The following CSGALNACT1 variants were observed in gnomAD, a reference collection of about 807,000 sequenced individuals.
CSGALNACT1 encodes chondroitin sulfate N-acetylgalactosaminyltransferase 1, also known as beta4GalNAcT-1.
CSGALNACT1 carries 52 observed loss-of-function variants against 51.0 expected under a neutral mutation model. The observed-to-expected ratio is 1.02, with a 90% CI of 0.82 to 1.29. CSGALNACT1 has a LOEUF of 1.29. Among genes scored for constraint, CSGALNACT1 ranks in the 50% most tolerant of loss-of-function variants. The probability of loss-of-function intolerance (pLI) is 0.00; values close to 1 mark genes in which losing one functional copy is unlikely to be tolerated. For synonymous variants in CSGALNACT1, 341 were observed against 254.4 expected (o/e 1.34, Z -3.24); for missense variants, 935 against 679.2 (o/e 1.38, Z -4.19).
intron 3 of CSGALNACT1, among the ~76,000 whole-genome samples, chr8:19,540,218 G>T (rs1020329107): frequency 5.3e-5 from 8 of 152,082 alleles, no homozygotes; most frequent in African/African-American, 1.7e-4. Context: ...CTAAATACGT[G>T]ACCAGAACAT....
chr8:19,496,456 G>A (rs961809768), intron 4 of CSGALNACT1, among the ~76,000 whole-genome samples: 13 of 152,178 alleles, frequency 8.5e-5, no homozygotes, highest in Admixed American at 5.9e-4. Flanking sequence ...GTGGGAAGAC[G>A]TTATTCATTT....
intron 1 of CSGALNACT1, among the ~76,000 whole-genome samples, chr8:19,714,223 T>A (rs1239496284): frequency 6.6e-6 from 1 of 152,236 alleles, no homozygotes; most frequent in East Asian, 1.9e-4. Context: ...TCCAGCCCTC[T>A]AATTTTTCTC....
chr8:19,531,154 G>A (rs62493890), intron 3 of CSGALNACT1, among the ~76,000 whole-genome samples: 55,138 of 152,038 alleles, frequency 0.36, 10,220 homozygotes, highest in African/African-American at 0.42. Flanking sequence ...TTCAGAGATA[G>A]AGCTATTTTC....
chr8:19,506,202 A>G (rs1456411507), intron 3 of CSGALNACT1, 72 bp from the exon 3 acceptor site: 7 of 456,806 alleles, frequency 1.5e-5, no homozygotes, highest in Admixed American at 1.3e-4. Context: ...ACGGCAATCA[A>G]TATCCAATAG....
At chr8:19,462,082 T>A (rs534431273) in intron 4 of CSGALNACT1, among the ~76,000 whole-genome samples, 106 of 152,324 alleles carry the variant, frequency 7.0e-4, no homozygotes, top group African/African-American at 2.5e-3. Context: ...ACAGATGGTA[T>A]CTGCACAGCA....
At chr8:19,623,015 A>G (rs989112906) in intron 1 of CSGALNACT1, among the ~76,000 whole-genome samples, 5 of 152,234 alleles carry the variant, frequency 3.3e-5, no homozygotes, top group African/African-American at 1.2e-4. Flanking sequence ...ATACGTAGGT[A>G]ACAAACCTGC....
At chr8:19,566,089 A>C (rs113656719) in intron 3 of CSGALNACT1, among the ~76,000 whole-genome samples, 1 of 152,236 alleles carries the variant, frequency 6.6e-6, no homozygotes, top group East Asian at 1.9e-4. Flanking sequence ...TTTGTCTTCT[A>C]TGGCAAAAAG....
chr8:19,460,649 C>T (rs182591233), intron 4 of CSGALNACT1, among the ~76,000 whole-genome samples: 4 of 152,310 alleles, frequency 2.6e-5, no homozygotes, highest in South Asian at 2.1e-4. Context: ...TACAGTGACA[C>T]GGCAATGGAA....
chr8:19,455,310 G>C (rs529550612), intron 5 of CSGALNACT1, among the ~76,000 whole-genome samples: 1 of 151,912 alleles, frequency 6.6e-6, no homozygotes, highest in Admixed American at 6.6e-5. Context: ...AGAAAACAGA[G>C]GCAAAAAAGG....
chr8:19,407,681 C>T (rs1002319041), intron 9 of CSGALNACT1, among the ~76,000 whole-genome samples: 4 of 152,106 alleles, frequency 2.6e-5, no homozygotes. Flanking sequence ...TCCCAAGGGC[C>T]TTTTCTCTCT....
chr8:19,649,819 C>CAAAAAAAAAAAAA (rs57549612), intron 1 of CSGALNACT1, among the ~76,000 whole-genome samples: 942 of 29,410 alleles, frequency 0.032, 291 homozygotes, highest in Non-Finnish European at 0.041. Context: ...TTCCAAGTAG[C>CAAAAAAAAAAAAA]AAAAAAAAAA....
intron 4 of CSGALNACT1, among the ~76,000 whole-genome samples, chr8:19,483,744 G>A (rs1487800633): frequency 6.6e-6 from 1 of 152,186 alleles, no homozygotes; most frequent in Non-Finnish European, 1.5e-5. Context: ...GGCCAGCTGG[G>A]AAACTCTCAT....
chr8:19,673,111 C>T (rs977537171), intron 1 of CSGALNACT1, among the ~76,000 whole-genome samples: 2 of 152,206 alleles, frequency 1.3e-5, no homozygotes, highest in Non-Finnish European at 2.9e-5. Context: ...CACACACCAG[C>T]AGTGAGAACA....
chr8:19,659,134 G>C (rs1320732484), intron 1 of CSGALNACT1, among the ~76,000 whole-genome samples: 1 of 151,842 alleles, frequency 6.6e-6, no homozygotes, highest in Non-Finnish European at 1.5e-5. Flanking sequence ...ACATTTTAAA[G>C]TTTGATGTAC....
intron 3 of CSGALNACT1, among the ~76,000 whole-genome samples, chr8:19,542,731 A>C (rs559801795): frequency 7.4e-4 from 113 of 152,290 alleles, no homozygotes; most frequent in African/African-American, 2.7e-3. Context: ...CATCTATCCA[A>C]AACCCCATCA....
chr8:19,579,349 C>A (rs1001799882), intron 3 of CSGALNACT1, among the ~76,000 whole-genome samples: 2 of 152,194 alleles, frequency 1.3e-5, no homozygotes, highest in Non-Finnish European at 2.9e-5. Context: ...ACAGGGTCTG[C>A]AGCACATGTG....
intron 3 of CSGALNACT1, among the ~76,000 whole-genome samples, chr8:19,546,681 A>C (rs1386998170): frequency 6.6e-6 from 1 of 152,212 alleles, no homozygotes; most frequent in Non-Finnish European, 1.5e-5. Flanking sequence ...GAATATCTGA[A>C]ATGTACAATA....
intron 1 of CSGALNACT1, among the ~76,000 whole-genome samples, chr8:19,614,955 C>T (rs2052792259): frequency 6.6e-6 from 1 of 152,160 alleles, no homozygotes; most frequent in Non-Finnish European, 1.5e-5. Context: ...AGTGATATTT[C>T]AATTTTAAAC....
At chr8:19,666,666 C>A (rs982597959) in intron 1 of CSGALNACT1, among the ~76,000 whole-genome samples, 2 of 149,908 alleles carry the variant, frequency 1.3e-5, no homozygotes, top group South Asian at 4.2e-4. Context: ...CTACTGCACT[C>A]CAGCCTAATT....
Sources: gnomAD v4.1 joint callset for allele counts (sites outside exome capture counted in the v4.1 genomes callset) on GRCh38, gnomAD v4.1.1 for gene constraint, MANE v1.5 for transcripts, NCBI Gene and HGNC (gene_info 2026-07-23, HGNC 2026-07-21) for gene names.